CFDP1: variants seen among roughly 807,000 people sequenced by gnomAD.
CFDP1 encodes the protein heterochromatin-stabilizing protein CFDP1.
CFDP1 carries 31 observed loss-of-function variants against 40.1 expected under a neutral mutation model. That is an observed-to-expected ratio of 0.77 (90% CI 0.58 to 1.04). The LOEUF is 1.04. Ranked by LOEUF, CFDP1 falls within the 50% of genes least tolerant of loss-of-function variation. CFDP1 has a pLI of 0.00. For synonymous variants in CFDP1, 167 were observed against 120.0 expected (o/e 1.39, Z -2.56); for missense variants, 423 against 343.4 (o/e 1.23, Z -1.83).
chr16:75,326,788 G>A (rs570050104), intron 5 of CFDP1, among the ~76,000 whole-genome samples: 2 of 152,332 alleles, frequency 1.3e-5, no homozygotes, highest in African/African-American at 4.8e-5. Context: ...CTAGAAGCTA[G>A]AAGACTGACG....
intron 5 of CFDP1, among the ~76,000 whole-genome samples, chr16:75,333,386 G>A (rs2078462359): frequency 6.6e-6 from 1 of 152,160 alleles, no homozygotes; most frequent in Non-Finnish European, 1.5e-5. Context: ...GCCTCCCAAA[G>A]TGCTGGGATT....
intron 5 of CFDP1, among the ~76,000 whole-genome samples, chr16:75,317,436 G>A (rs886964548): frequency 6.6e-6 from 1 of 152,218 alleles, no homozygotes; most frequent in Non-Finnish European, 1.5e-5. Context: ...TTTCACAGCA[G>A]TGTGGGAGTA....
intron 5 of CFDP1, among the ~76,000 whole-genome samples, chr16:75,367,792 CAA>C (rs36057090): frequency 2.2e-4 from 23 of 105,592 alleles, no homozygotes; most frequent in African/African-American, 4.9e-4. Flanking sequence ...CACTCCATCT[CAA>C]AAAAAAAAAA....
intron 5 of CFDP1, among the ~76,000 whole-genome samples, chr16:75,382,223 T>C (rs774219003): frequency 2.6e-5 from 4 of 151,594 alleles, no homozygotes; most frequent in Admixed American, 1.3e-4. Flanking sequence ...TGGGATAGAG[T>C]TGTGTTCCAT....
intron 5 of CFDP1, among the ~76,000 whole-genome samples, chr16:75,331,702 G>GTGTATCATGGGC (rs71158598): frequency 6.6e-6 from 1 of 151,792 alleles, no homozygotes; most frequent in Admixed American, 6.6e-5. Context: ...TCCATGTTGT[G>GTGTATCATGGGC]TGTTCCTTGT....
chr16:75,406,360 G>C (rs1450554007), intron 4 of CFDP1, among the ~76,000 whole-genome samples: 3 of 151,848 alleles, frequency 2.0e-5, no homozygotes, highest in Non-Finnish European at 2.9e-5. Flanking sequence ...CTGGGCAACA[G>C]AGTGAGACCC....
At position 75,395,391 on chromosome 16, in the gene CFDP1, T is replaced by G. The variant is rs1007958051; in HGVS notation, c.531-182A>C. Among the ~76,000 whole-genome samples the G allele has an allele frequency of 9.2e-5, 14 of 152,302 alleles. No homozygotes were observed. In the South Asian group the frequency reaches 2.3e-3, roughly 25 times the overall value. ...AAGACATTTGCCCAGCCGGGCGTGG[T>G]GACTCACGCCTGTACTCCCAGCACT... On this transcript the variant is annotated intron_variant, in intron 4 of 6. Transcript: ENST00000283882.
intron 3 of CFDP1, 78 bp downstream of exon 3, chr16:75,412,457 C>T (rs2079171185): frequency 9.8e-6 from 11 of 1,118,586 alleles, no homozygotes; most frequent in Non-Finnish European, 1.3e-5. Context: ...GGCATCTGGT[C>T]GATTTCCGTA....
rs1291357002 is a variant in CFDP1, at chr16:75,293,940, T to G, written c.*12A>C. 6.2e-7 allele frequency: 1 copy of G among 1,610,384 alleles called. No homozygotes were observed. Among genetic ancestry groups the G allele is most frequent in the African/African-American group, 1.3e-5 (1 of 74,838 alleles). The stretch of plus-strand genomic sequence containing the variant: ...AAACAGGATTAAGCTGCTCTTGATT[T>G]AGCCCGTAACATCAAGGTTTCATTT... On this transcript the variant is annotated 3_prime_UTR_variant, in exon 7 of 7. Transcript: ENST00000283882.
intron 5 of CFDP1, among the ~76,000 whole-genome samples, chr16:75,359,492 G>T (rs1164302781): frequency 6.6e-6 from 1 of 152,178 alleles, no homozygotes; most frequent in Non-Finnish European, 1.5e-5. Context: ...ATTCAATGAT[G>T]CTGTTTTCCC....
chr16:75,427,116 G>A (rs1362918495), intron 1 of CFDP1, among the ~76,000 whole-genome samples: 1 of 150,782 alleles, frequency 6.6e-6, no homozygotes, highest in African/African-American at 2.4e-5. Context: ...TTCCAAAACT[G>A]AAAACAACCC....
At chr16:75,349,556 A>C (rs1338513957) in intron 5 of CFDP1, among the ~76,000 whole-genome samples, 1 of 142,262 alleles carries the variant, frequency 7.0e-6, no homozygotes, top group Non-Finnish European at 1.5e-5. Context: ...TGGGAGGCTA[A>C]GGCAGAAAGA....
chr16:75,301,255 G>T (rs1261791448), intron 6 of CFDP1, among the ~76,000 whole-genome samples: 1 of 152,110 alleles, frequency 6.6e-6, no homozygotes, highest in South Asian at 2.1e-4. Context: ...TAGTACCTAT[G>T]GTATGGGAAG....
At chr16:75,327,977 G>A (rs1158717555) in intron 5 of CFDP1, among the ~76,000 whole-genome samples, 1 of 152,088 alleles carries the variant, frequency 6.6e-6, no homozygotes, top group African/African-American at 2.4e-5. Context: ...TGATCCGCCT[G>A]CCTCGGCCTC....
chr16:75,318,237 C>G (rs1226203373), intron 5 of CFDP1, among the ~76,000 whole-genome samples: 1 of 152,140 alleles, frequency 6.6e-6, no homozygotes, highest in Non-Finnish European at 1.5e-5. Context: ...GAGCCACACA[C>G]TCTCATGAAC....
intron 5 of CFDP1, among the ~76,000 whole-genome samples, chr16:75,370,556 T>A: frequency 6.6e-6 from 1 of 151,836 alleles, no homozygotes. Context: ...TAAAGTATAA[T>A]AAAATAATAA....
intron 1 of CFDP1, among the ~76,000 whole-genome samples, chr16:75,430,197 G>C (rs2079394617): frequency 6.6e-6 from 1 of 151,016 alleles, no homozygotes; most frequent in Non-Finnish European, 1.5e-5. Flanking sequence ...TCGAGATGGA[G>C]TCTCACTCTG....
chr16:75,322,454 C>T (rs2078371495), intron 5 of CFDP1, among the ~76,000 whole-genome samples: 1 of 152,148 alleles, frequency 6.6e-6, no homozygotes, highest in Non-Finnish European at 1.5e-5. Context: ...ATAGTATAGC[C>T]TACTACAGGC....
chr16:75,301,320 T>C (rs182298934), intron 6 of CFDP1, among the ~76,000 whole-genome samples: 18 of 152,240 alleles, frequency 1.2e-4, no homozygotes, highest in Admixed American at 3.9e-4. Context: ...GAAGAGTGCA[T>C]GAACTGGGCA....
Sources: gnomAD v4.1 joint callset for allele counts (sites outside exome capture counted in the v4.1 genomes callset) on GRCh38, gnomAD v4.1.1 for gene constraint, MANE v1.5 for transcripts, NCBI Gene and HGNC (gene_info 2026-07-23, HGNC 2026-07-21) for gene names.